COL22A1: variants seen among roughly 807,000 people sequenced by gnomAD.
COL22A1 encodes collagen type XXII alpha 1 chain, also known as collagen alpha-1(XXII) chain.
COL22A1 carries 221 observed loss-of-function variants against 248.9 expected under a neutral mutation model. That is an observed-to-expected ratio of 0.89 (90% CI 0.80 to 0.99). COL22A1 has a LOEUF of 0.99. COL22A1 is among the 50% of genes least tolerant of loss of function. COL22A1 has a pLI of 0.00. For synonymous variants in COL22A1, 891 were observed against 793.4 expected (o/e 1.12, Z -2.07); for missense variants, 2,240 against 2,179.0 (o/e 1.03, Z -0.56).
At chr8:138,783,856 C>G (rs962861291) in intron 12 of COL22A1, among the ~76,000 whole-genome samples, 1 of 152,192 alleles carries the variant, frequency 6.6e-6, no homozygotes, top group Non-Finnish European at 1.5e-5. Context: ...TGAAGGCTTA[C>G]TCATGCCCTT....
At chr8:138,606,571 C>G in intron 57 of COL22A1, 119 bp from the exon 58 acceptor site, 1 of 965,068 alleles carries the variant, frequency 1.0e-6, no homozygotes, top group South Asian at 1.5e-5. Flanking sequence ...ACACACAAAT[C>G]CTCCCATGAT....
intron 22 of COL22A1, among the ~76,000 whole-genome samples, chr8:138,748,530 A>G (rs1832318693): frequency 6.6e-6 from 1 of 152,208 alleles, no homozygotes; most frequent in Admixed American, 6.5e-5. Context: ...CCTGTCCTTC[A>G]TCTGCAGAAA....
rs148939201 is a variant in COL22A1, at chr8:138,734,150, G to A, written c.2139+3374C>T. ...CCCGAAAGCTCTGCGGGAAATAGAC[G>A]CTCCCATCCATGGAAACTGTGAGGA... On this transcript the variant is annotated intron_variant, in intron 23 of 64. Transcript: ENST00000303045. Among the ~76,000 whole-genome samples, 11 of 152,230 alleles carry A rather than the reference G, an allele frequency of 7.2e-5. No homozygotes were observed. In the East Asian group the frequency reaches 2.1e-3, roughly 29 times the overall value.
intron 27 of COL22A1, among the ~76,000 whole-genome samples, chr8:138,717,378 A>T (rs1016699984): frequency 6.6e-6 from 1 of 152,062 alleles, no homozygotes; most frequent in Non-Finnish European, 1.5e-5. Flanking sequence ...TGATCTCCTG[A>T]CCTCGTGATC....
At chr8:138,749,117 C>T (rs1377317445) in intron 22 of COL22A1, among the ~76,000 whole-genome samples, 1 of 152,148 alleles carries the variant, frequency 6.6e-6, no homozygotes, top group Non-Finnish European at 1.5e-5. Context: ...GTGAGACCTC[C>T]CCAGACACAT....
At chr8:138,883,700 T>C (rs1275759445) in intron 1 of COL22A1, among the ~76,000 whole-genome samples, 1 of 152,040 alleles carries the variant, frequency 6.6e-6, no homozygotes, top group Non-Finnish European at 1.5e-5. Flanking sequence ...ATAATGGTAG[T>C]TCTTCCTGCT....
intron 46 of COL22A1, among the ~76,000 whole-genome samples, chr8:138,647,661 T>G (rs145127063): frequency 1.3e-5 from 2 of 152,292 alleles, no homozygotes; most frequent in South Asian, 2.1e-4. Flanking sequence ...GCTGCTTGAC[T>G]CTGAGAAAGG....
intron 25 of COL22A1, among the ~76,000 whole-genome samples, chr8:138,722,856 G>GT (rs1554601724): frequency 7.8e-6 from 1 of 128,392 alleles, no homozygotes; most frequent in African/African-American, 2.8e-5. Context: ...GGGGCGGGGG[G>GT]GGGGTGGTGG....
Position 138,789,971 on chromosome 8 carries a change from T to C in COL22A1, c.1596+6848A>G, listed in dbSNP as rs555583945. Among the ~76,000 whole-genome samples, 4 of 152,356 alleles carry C rather than the reference T, an allele frequency of 2.6e-5. No individual in the cohort carries two copies. The East Asian group carries it at 7.7e-4, about 29-fold the overall frequency. The stretch of plus-strand genomic sequence containing the variant: ...TGGCCAATAAGTTCTGCATGGCTGC[T>C]ATTGCTAAAACATGCTCATCTTATG... On this transcript the variant is annotated intron_variant, in intron 12 of 64. Transcript: ENST00000303045.
intron 12 of COL22A1, among the ~76,000 whole-genome samples, chr8:138,786,045 C>G (rs1376173469): frequency 6.6e-6 from 1 of 152,184 alleles, no homozygotes; most frequent in African/African-American, 2.4e-5. Context: ...TCCCTGCCTC[C>G]CCATCACTAA....
At chr8:138,902,022 A>C (rs1021937863) in intron 1 of COL22A1, among the ~76,000 whole-genome samples, 4 of 152,090 alleles carry the variant, frequency 2.6e-5, no homozygotes, top group African/African-American at 9.7e-5. Flanking sequence ...CAGCAGAGAT[A>C]ACTGCACAAA....
rs1429431062 is a variant in COL22A1, at chr8:138,616,050, T to C, written c.3875A>G (p.Glu1292Gly). The C allele has an allele frequency of 6.2e-7, 1 of 1,612,868 alleles. No individual in the cohort carries two copies. Among genetic ancestry groups the C allele is most frequent in the Admixed American group, 1.7e-5 (1 of 59,990 alleles). Reference protein sequence around the residue: ...GDSGAPGPRGESGAMGLPGQE... With the variant: ...GDSGAPGPRGGSGAMGLPGQE... ...ACCAGGAAGCCCCATGGCACCAGAC[T>C]CTCCCTAGGAACAAAAAAGCCTGCT... The change falls in exon 55 of 65, where the codon GAG becomes GGG. Residue 1292 changes from glutamate (E) to glycine (G), a missense_variant. Coordinates refer to ENST00000303045, the MANE Select transcript of COL22A1 (RefSeq NM_152888.3).
chr8:138,787,149 G>A (rs1815604237), intron 12 of COL22A1, among the ~76,000 whole-genome samples: 1 of 152,150 alleles, frequency 6.6e-6, no homozygotes, highest in African/African-American at 2.4e-5. Context: ...GCATGGGATG[G>A]GTCAGGGAGA....
At chr8:138,650,783 GTTTA>G (rs1822654436) in intron 45 of COL22A1, among the ~76,000 whole-genome samples, 1 of 152,128 alleles carries the variant, frequency 6.6e-6, no homozygotes, top group African/African-American at 2.4e-5. Flanking sequence ...ATTATTGTTA[GTTTA>G]TTTATTCACT....
intron 50 of COL22A1, among the ~76,000 whole-genome samples, chr8:138,629,489 T>C (rs1189308464): frequency 6.6e-6 from 1 of 152,184 alleles, no homozygotes; most frequent in Non-Finnish European, 1.5e-5. Flanking sequence ...CTGGGACTTC[T>C]AGATGGGCGG....
intron 15 of COL22A1, 119 bp from the exon 16 acceptor site, chr8:138,776,129 GAT>G: frequency 1.1e-6 from 1 of 919,298 alleles, no homozygotes; most frequent in Non-Finnish European, 1.8e-6. Context: ...CAGGGATGGT[GAT>G]AGTGAGGACC....
Position 138,716,977 on chromosome 8 carries a change from T to C in COL22A1, c.2356-108A>G, listed in dbSNP as rs1220173909. On this transcript the variant is annotated intron_variant, in intron 27 of 64. Transcript: ENST00000303045. ...TCATAGCACCTGCCAGCCACAACCCTTAATTTTCAAATATACGGCATGGTT... is the reference window on the plus strand; with the variant it reads ...TCATAGCACCTGCCAGCCACAACCCCTAATTTTCAAATATACGGCATGGTT... The C allele has an allele frequency of 1.1e-5, 9 of 850,896 alleles. No homozygotes were observed. In the East Asian group the frequency reaches 2.2e-4, roughly 21 times the overall value. 52.7% of individuals were successfully genotyped at this position (850,896 alleles called of 1,614,324 possible). A position where few individuals can be genotyped will look rare whatever the true frequency, so the allele number is the denominator to read the frequency against.
chr8:138,702,970 G>T (rs993487676), intron 31 of COL22A1, among the ~76,000 whole-genome samples: 1 of 152,194 alleles, frequency 6.6e-6, no homozygotes, highest in African/African-American at 2.4e-5. Context: ...ATGAAGCCCA[G>T]TTCCTGGGTC....
Sources: gnomAD v4.1 joint callset for allele counts (sites outside exome capture counted in the v4.1 genomes callset) on GRCh38, gnomAD v4.1.1 for gene constraint, MANE v1.5 for transcripts, NCBI Gene and HGNC (gene_info 2026-07-23, HGNC 2026-07-21) for gene names.